The following LYPD6 variants were observed in gnomAD, a reference collection of about 807,000 sequenced individuals.
LYPD6 encodes the protein ly6/PLAUR domain-containing protein 6.
LYPD6 carries 15 observed loss-of-function variants against 22.7 expected under a neutral mutation model. That is an observed-to-expected ratio of 0.66 (90% CI 0.44 to 1.02). The LOEUF (loss-of-function observed/expected upper bound fraction) is 1.02. LYPD6 is among the 50% of genes least tolerant of loss of function. LYPD6 has a pLI of 0.00. For missense variants in LYPD6, 189 were observed against 208.4 expected (o/e 0.91, Z 0.57); for synonymous variants, 72 against 77.5 (o/e 0.93, Z 0.37).
chr2:149,443,930 C>CTTTTTTTTT (rs766245738), intron 2 of LYPD6, among the ~76,000 whole-genome samples: 1 of 114,108 alleles, frequency 8.8e-6, no homozygotes, highest in Non-Finnish European at 1.8e-5. Context: ...ATGTGCATAT[C>CTTTTTTTTT]TTTTTTTTTT....
At chr2:149,331,915 C>T (rs1282861086) in intron 1 of LYPD6, among the ~76,000 whole-genome samples, 1 of 152,184 alleles carries the variant, frequency 6.6e-6, no homozygotes, top group African/African-American at 2.4e-5. Context: ...ATTATTAGAG[C>T]AATTCCCTTA....
intron 1 of LYPD6, among the ~76,000 whole-genome samples, chr2:149,394,856 A>G (rs1331197999): frequency 6.6e-6 from 1 of 152,174 alleles, no homozygotes; most frequent in African/African-American, 2.4e-5. Flanking sequence ...GTTTATGTAT[A>G]TATTTATGTT....
At chr2:149,407,914 G>T (rs1228623004) in intron 1 of LYPD6, among the ~76,000 whole-genome samples, 1 of 152,146 alleles carries the variant, frequency 6.6e-6, no homozygotes, top group Admixed American at 6.5e-5. Context: ...GGTTTTTGGT[G>T]TGGATGTCCT....
intron 1 of LYPD6, among the ~76,000 whole-genome samples, chr2:149,343,756 C>T (rs139269709): frequency 1.1e-4 from 16 of 152,272 alleles, no homozygotes; most frequent in African/African-American, 3.9e-4. Flanking sequence ...GAATTATCAA[C>T]CACCAATTAG....
intron 1 of LYPD6, among the ~76,000 whole-genome samples, chr2:149,373,349 A>T (rs144185077): frequency 1.2e-4 from 19 of 152,260 alleles, no homozygotes; most frequent in African/African-American, 4.3e-4. Context: ...TGAAGTTATA[A>T]ATTTGGGAGT....
At chr2:149,448,154 A>G (rs1360414121) in intron 2 of LYPD6, among the ~76,000 whole-genome samples, 1 of 152,146 alleles carries the variant, frequency 6.6e-6, no homozygotes, top group Non-Finnish European at 1.5e-5. Context: ...TTAGCCGGGT[A>G]TAGTGGCACA....
downstream of LYPD6, among the ~76,000 whole-genome samples, chr2:149,478,399 T>TGC (rs398060653): frequency 2.9e-4 from 44 of 150,084 alleles, no homozygotes; most frequent in South Asian, 7.2e-3. Flanking sequence ...TGTGTGTGTG[T>TGC]GCGCGCACGC....
intron 1 of LYPD6, among the ~76,000 whole-genome samples, chr2:149,354,356 T>C (rs751307963): frequency 2.6e-5 from 4 of 152,082 alleles, no homozygotes; most frequent in Admixed American, 2.6e-4. Flanking sequence ...TACAGGTGCA[T>C]GCCACCACAC....
chr2:149,394,041 T>C (rs1332216177), intron 1 of LYPD6, among the ~76,000 whole-genome samples: 2 of 152,164 alleles, frequency 1.3e-5, no homozygotes, highest in Admixed American at 6.5e-5. Context: ...GTCTCAAATA[T>C]AAAATTCGGT....
At chr2:149,430,703 A>G (rs767929891) in intron 1 of LYPD6, among the ~76,000 whole-genome samples, 1 of 152,196 alleles carries the variant, frequency 6.6e-6, no homozygotes, top group Non-Finnish European at 1.5e-5. Context: ...GCCACTTTAT[A>G]ATTGCGTATA....
chr2:149,415,667 G>T (rs2105127039), intron 1 of LYPD6, among the ~76,000 whole-genome samples: 1 of 152,090 alleles, frequency 6.6e-6, no homozygotes, highest in East Asian at 1.9e-4. Flanking sequence ...ACACTAAACT[G>T]TAATTCTTTT....
At chr2:149,340,985 T>G (rs1344852402) in intron 1 of LYPD6, among the ~76,000 whole-genome samples, 1 of 144,298 alleles carries the variant, frequency 6.9e-6, no homozygotes, top group Non-Finnish European at 1.5e-5. Context: ...AAAATTCACT[T>G]TCAAGTGTTC....
chr2:149,363,326 C>T (rs1187112212), intron 1 of LYPD6, among the ~76,000 whole-genome samples: 1 of 152,160 alleles, frequency 6.6e-6, no homozygotes, highest in African/African-American at 2.4e-5. Flanking sequence ...TCTTCATAAT[C>T]ACTGTATGGC....
chr2:149,406,446 G>A (rs1682710515), intron 1 of LYPD6, among the ~76,000 whole-genome samples: 2 of 151,648 alleles, frequency 1.3e-5, no homozygotes, highest in African/African-American at 4.8e-5. Context: ...ATTTAGGATA[G>A]TTAGCTCTTC....
chr2:149,464,282 T>G, intron 3 of LYPD6: 1 of 321,476 alleles, frequency 3.1e-6, no homozygotes, highest in South Asian at 2.7e-5. Context: ...TCAGGAAGAT[T>G]TCACAGAATT....
intron 1 of LYPD6, among the ~76,000 whole-genome samples, chr2:149,402,724 A>G (rs904650309): frequency 4.0e-5 from 6 of 149,188 alleles, no homozygotes; most frequent in African/African-American, 1.2e-4. Flanking sequence ...CTTTTTTTTT[A>G]TTTTTTTATT....
At chr2:149,454,734 C>G (rs1680912354) in intron 3 of LYPD6, among the ~76,000 whole-genome samples, 1 of 152,126 alleles carries the variant, frequency 6.6e-6, no homozygotes. Flanking sequence ...GCTGCACAAT[C>G]TTGCCAACAC....
chr2:149,410,704 C>G (rs1573784357), intron 1 of LYPD6, among the ~76,000 whole-genome samples: 1 of 152,210 alleles, frequency 6.6e-6, no homozygotes, highest in East Asian at 1.9e-4. Context: ...AGGAAACCAG[C>G]CTTCTGTGTG....
chr2:149,448,990 T>C, intron 2 of LYPD6, 59 bp from the exon 3 acceptor site: 1 of 1,287,616 alleles, frequency 7.8e-7, no homozygotes, highest in South Asian at 1.3e-5. Context: ...ATGTCTTAAC[T>C]TCACAGGATT....
Sources: allele counts gnomAD v4.1 joint callset (sites outside exome capture counted in the v4.1 genomes callset), GRCh38; gene constraint gnomAD v4.1.1; transcripts MANE v1.5; gene names NCBI Gene and HGNC (gene_info 2026-07-23, HGNC 2026-07-21).